Variants in CACNB4 observed in about 807,000 individuals in gnomAD.
CACNB4 encodes voltage-dependent L-type calcium channel subunit beta-4.
Under a neutral mutation model 71.2 loss-of-function variants are expected in CACNB4, and 32 were observed. The observed-to-expected ratio is 0.45, with a 90% confidence interval of 0.34 to 0.60. The LOEUF (loss-of-function observed/expected upper bound fraction) is 0.60. CACNB4 is among the 20% of genes least tolerant of loss of function. CACNB4 has a pLI of 0.01. For synonymous variants in CACNB4, 231 were observed against 236.9 expected, an observed-to-expected ratio of 0.97 and a Z score of 0.23; for missense variants, 464 against 647.9, an observed-to-expected ratio of 0.72 and a Z score of 3.08.
At chr2:151,842,204 T>G in intron 12 of CACNB4, 116 bp from the exon 13 acceptor site, 1 of 834,818 alleles carries the variant, frequency 1.2e-6, no homozygotes, top group Non-Finnish European at 1.9e-6. Flanking sequence ...AAAATCAAAT[T>G]TGAGGTGCTA....
intron 2 of CACNB4, among the ~76,000 whole-genome samples, chr2:151,979,372 C>T (rs2099874335): frequency 6.6e-6 from 1 of 151,778 alleles, no homozygotes; most frequent in African/African-American, 2.4e-5. Flanking sequence ...AAAAAAAATT[C>T]CCATGGCCTA....
intron 2 of CACNB4, among the ~76,000 whole-genome samples, chr2:151,946,722 G>T (rs1000457859): frequency 2.0e-5 from 3 of 152,200 alleles, no homozygotes; most frequent in Non-Finnish European, 4.4e-5. Context: ...GGGGTGGAAA[G>T]CAGGGCCAGC....
chr2:151,834,182 A>G lies in CACNB4; in HGVS notation c.*4937T>C, dbSNP rs989642417. ...GGTATTGAAAAGCTAGAGGCCAGCC[A>G]CTTCTGGTTCTTAGTTCCCCTTGTA... is the stretch of plus-strand genomic sequence containing the variant. On this transcript the variant is annotated 3_prime_UTR_variant, in exon 14 of 14. Transcript: ENST00000539935. The G allele has an allele frequency of 6.6e-6, 1 of 152,064 alleles. No individual in the cohort carries two copies. The highest frequency in any genetic ancestry group is 1.5e-5 in the Non-Finnish European group (1 of 67,896). The allele number at this position is 152,064 out of a possible 1,614,324, so 9.4% of individuals were successfully genotyped here.
chr2:152,038,374 G>A (rs912490789), intron 2 of CACNB4, among the ~76,000 whole-genome samples: 1 of 152,196 alleles, frequency 6.6e-6, no homozygotes, highest in African/African-American at 2.4e-5. Context: ...AATTCAGACT[G>A]TATATCCCCA....
intron 2 of CACNB4, among the ~76,000 whole-genome samples, chr2:152,034,581 G>C (rs1325836627): frequency 6.6e-6 from 1 of 152,204 alleles, no homozygotes; most frequent in Non-Finnish European, 1.5e-5. Flanking sequence ...GAAAAGCATC[G>C]CATAAATTCC....
At chr2:151,872,722 G>GT (rs2099844958) in intron 5 of CACNB4, 1 of 378,976 alleles carries the variant, frequency 2.6e-6, no homozygotes, top group Non-Finnish European at 4.7e-6. Flanking sequence ...ATCTCTTCTA[G>GT]TTACTCAGTG....
chr2:151,983,675 T>TCACACACACACACA (rs1553803380), intron 2 of CACNB4, among the ~76,000 whole-genome samples: 2 of 141,430 alleles, frequency 1.4e-5, no homozygotes, highest in African/African-American at 2.6e-5. Context: ...TAAACTTTGG[T>TCACACACACACACA]CACACACACA....
At chr2:152,041,988 T>G (rs1243331672) in intron 2 of CACNB4, among the ~76,000 whole-genome samples, 1 of 152,198 alleles carries the variant, frequency 6.6e-6, no homozygotes, top group African/African-American at 2.4e-5. Context: ...AATAAATAGT[T>G]GAAGGAGTGA....
chr2:151,889,866 C>T (rs888988868), intron 2 of CACNB4, among the ~76,000 whole-genome samples: 1 of 152,150 alleles, frequency 6.6e-6, no homozygotes, highest in Non-Finnish European at 1.5e-5. Context: ...GGCAGGACCT[C>T]GAGTTTGTTC....
intron 2 of CACNB4, among the ~76,000 whole-genome samples, chr2:152,049,820 C>T (rs1184417772): frequency 6.6e-6 from 1 of 152,254 alleles, no homozygotes; most frequent in Non-Finnish European, 1.5e-5. Context: ...AATTGATAAA[C>T]CAATAAAAGA....
chr2:151,939,527 T>G (rs192147912), intron 2 of CACNB4, among the ~76,000 whole-genome samples: 1 of 152,224 alleles, frequency 6.6e-6, no homozygotes. Context: ...GGTCTGGAAG[T>G]CCCCAGACAA....
chr2:152,059,404 C>T (rs1685890690), intron 2 of CACNB4, among the ~76,000 whole-genome samples: 1 of 152,236 alleles, frequency 6.6e-6, no homozygotes, highest in Admixed American at 6.5e-5. Context: ...TGTGGGAGCC[C>T]ACCTCTTGCA....
intron 12 of CACNB4, among the ~76,000 whole-genome samples, chr2:151,846,405 T>C (rs1488883657): frequency 1.3e-5 from 2 of 152,174 alleles, no homozygotes; most frequent in African/African-American, 4.8e-5. Flanking sequence ...TTTTCTAGCA[T>C]GGAGGGGAGA....
chr2:151,992,069 G>A (rs927187675), intron 2 of CACNB4, among the ~76,000 whole-genome samples: 5 of 152,042 alleles, frequency 3.3e-5, no homozygotes, highest in Admixed American at 1.3e-4. Flanking sequence ...CTTAATCCTC[G>A]ACCCCCCTTC....
chr2:151,993,924 C>A (rs976456327), intron 2 of CACNB4, among the ~76,000 whole-genome samples: 1 of 151,264 alleles, frequency 6.6e-6, no homozygotes, highest in Non-Finnish European at 1.5e-5. Flanking sequence ...GTAATCCCAG[C>A]ACTTTGGGAG....
At chr2:151,961,921 A>T (rs2099869766) in intron 2 of CACNB4, among the ~76,000 whole-genome samples, 1 of 152,082 alleles carries the variant, frequency 6.6e-6, no homozygotes, top group Non-Finnish European at 1.5e-5. Flanking sequence ...ATGTCTCCCA[A>T]TTGCATGCTT....
intron 2 of CACNB4, among the ~76,000 whole-genome samples, chr2:152,063,588 T>C (rs1460321587): frequency 6.6e-6 from 1 of 152,184 alleles, no homozygotes; most frequent in Non-Finnish European, 1.5e-5. Context: ...TCCTCACAGA[T>C]TGAGGTTTGA....
At chr2:151,939,150 A>G (rs1266193203) in intron 2 of CACNB4, among the ~76,000 whole-genome samples, 2 of 152,210 alleles carry the variant, frequency 1.3e-5, no homozygotes, top group Non-Finnish European at 2.9e-5. Flanking sequence ...AGGAATTATT[A>G]CTGGCATCCA....
intron 5 of CACNB4, among the ~76,000 whole-genome samples, chr2:151,874,679 A>T (rs2099845506): frequency 6.6e-6 from 1 of 152,188 alleles, no homozygotes; most frequent in African/African-American, 2.4e-5. Flanking sequence ...TGAAATAGAA[A>T]AGCATTCAAC....
Sources: gnomAD v4.1 joint callset for allele counts (sites outside exome capture counted in the v4.1 genomes callset) on GRCh38, gnomAD v4.1.1 for gene constraint, MANE v1.5 for transcripts, NCBI Gene and HGNC (gene_info 2026-07-23, HGNC 2026-07-21) for gene names.